The following CPQ variants were observed in gnomAD, a reference collection of about 807,000 sequenced individuals.
The protein encoded by CPQ is Ser-Met dipeptidase.
In CPQ, 37 loss-of-function variants were observed where a neutral mutation model predicts 45.7. The observed-to-expected ratio is 0.81, with a 90% confidence interval of 0.62 to 1.07. The LOEUF is 1.07. CPQ is among the 50% of genes least tolerant of loss of function. CPQ has a pLI of 0.00. For missense variants in CPQ, 537 were observed against 572.9 expected (o/e 0.94, Z 0.64); for synonymous variants, 186 against 205.8 (o/e 0.90, Z 0.82).
At chr8:97,027,813 A>G (rs1809827820) in intron 5 of CPQ, among the ~76,000 whole-genome samples, 1 of 152,262 alleles carries the variant, frequency 6.6e-6, no homozygotes, top group Non-Finnish European at 1.5e-5. Flanking sequence ...AATAAAAAGC[A>G]TAGATCCCTG....
At chr8:96,811,940 A>G (rs1266148707) in intron 2 of CPQ, among the ~76,000 whole-genome samples, 1 of 152,046 alleles carries the variant, frequency 6.6e-6, no homozygotes. Context: ...TATAAACCAA[A>G]TGTTTGTTTA....
chr8:96,936,537 A>G (rs1244732697), intron 4 of CPQ, among the ~76,000 whole-genome samples: 1 of 152,218 alleles, frequency 6.6e-6, no homozygotes, highest in Admixed American at 6.5e-5. Flanking sequence ...AATTCAGCAC[A>G]GAGGAACCAG....
At chr8:96,910,397 A>G (rs1157058401) in intron 4 of CPQ, among the ~76,000 whole-genome samples, 1 of 152,234 alleles carries the variant, frequency 6.6e-6, no homozygotes, top group Non-Finnish European at 1.5e-5. Context: ...TGCACAATGA[A>G]TAACCACAAT....
chr8:97,008,392 C>T (rs991847512), intron 5 of CPQ, among the ~76,000 whole-genome samples: 2 of 152,160 alleles, frequency 1.3e-5, no homozygotes. Context: ...ACAAATGTAC[C>T]TTTGACTTGT....
chr8:96,827,420 A>G (rs1731372036), intron 2 of CPQ, among the ~76,000 whole-genome samples: 2 of 152,038 alleles, frequency 1.3e-5, no homozygotes. Flanking sequence ...GACCTAAATT[A>G]TTGCTTTAGT....
chr8:96,741,731 T>G (rs1398207642), intron 1 of CPQ, among the ~76,000 whole-genome samples: 1 of 152,090 alleles, frequency 6.6e-6, no homozygotes, highest in African/African-American at 2.4e-5. Context: ...TTTCGTTATG[T>G]ACCCAGTAGT....
At chr8:97,040,389 T>TAG (rs1482896226) in intron 6 of CPQ, among the ~76,000 whole-genome samples, 1 of 151,694 alleles carries the variant, frequency 6.6e-6, no homozygotes, top group Non-Finnish European at 1.5e-5. Context: ...ATTAGCCCTT[T>TAG]GTCAGATGAG....
chr8:97,101,014 C>T (rs1185489651), intron 7 of CPQ, among the ~76,000 whole-genome samples: 1 of 152,114 alleles, frequency 6.6e-6, no homozygotes, highest in Non-Finnish European at 1.5e-5. Flanking sequence ...AAGATCCGTT[C>T]AGTCACTGAG....
chr8:96,678,154 C>G (rs1458291134), intron 1 of CPQ, among the ~76,000 whole-genome samples: 2 of 151,706 alleles, frequency 1.3e-5, no homozygotes, highest in Non-Finnish European at 2.9e-5. Flanking sequence ...AGCTGTGAGG[C>G]CCCTTTTTTG....
chr8:96,876,102 TG>T (rs1812141657), intron 3 of CPQ, among the ~76,000 whole-genome samples: 1 of 152,014 alleles, frequency 6.6e-6, no homozygotes, highest in Admixed American at 6.6e-5. Context: ...TCTTTGCTAT[TG>T]TTTTGCTTTT....
At chr8:96,661,983 G>A (rs1409669470) in intron 1 of CPQ, among the ~76,000 whole-genome samples, 1 of 152,182 alleles carries the variant, frequency 6.6e-6, no homozygotes, top group Non-Finnish European at 1.5e-5. Context: ...GGGCCATTCT[G>A]CTAGGTCTGT....
At chr8:96,726,557 G>A (rs954719003) in intron 1 of CPQ, among the ~76,000 whole-genome samples, 2 of 152,054 alleles carry the variant, frequency 1.3e-5, no homozygotes, top group Non-Finnish European at 2.9e-5. Context: ...GCAAGAGGGC[G>A]AGGGGTAGGT....
intron 5 of CPQ, among the ~76,000 whole-genome samples, chr8:96,980,172 G>C (rs1258953274): frequency 6.6e-6 from 1 of 152,090 alleles, no homozygotes; most frequent in Non-Finnish European, 1.5e-5. Flanking sequence ...TCGCTCTGTT[G>C]CCCAGGCTGG....
chr8:97,125,522 G>GA (rs1262777589), intron 7 of CPQ, among the ~76,000 whole-genome samples: 19 of 152,166 alleles, frequency 1.2e-4, no homozygotes, highest in African/African-American at 4.6e-4. Flanking sequence ...ATGTAAACTG[G>GA]ATAATATACT....
At chr8:96,885,258 C>T (rs1794741464) in intron 4 of CPQ, among the ~76,000 whole-genome samples, 1 of 152,150 alleles carries the variant, frequency 6.6e-6, no homozygotes, top group Non-Finnish European at 1.5e-5. Context: ...ATAACAAACT[C>T]ATTTTTGAGA....
intron 5 of CPQ, among the ~76,000 whole-genome samples, chr8:97,004,326 T>C (rs1008215057): frequency 6.7e-6 from 1 of 149,024 alleles, no homozygotes; most frequent in Admixed American, 6.7e-5. Context: ...CAAATACATA[T>C]AATTCAATTC....
intron 1 of CPQ, among the ~76,000 whole-genome samples, chr8:96,765,794 C>G (rs1047342995): frequency 6.6e-6 from 1 of 152,156 alleles, no homozygotes; most frequent in Non-Finnish European, 1.5e-5. Context: ...AATTCTGGCC[C>G]CCCCATTCAT....
chr8:96,740,398 T>C (rs370049774), intron 1 of CPQ, among the ~76,000 whole-genome samples: 1 of 152,132 alleles, frequency 6.6e-6, no homozygotes, highest in Non-Finnish European at 1.5e-5. Context: ...TACAATCATG[T>C]CATCTGCAAA....
chr8:96,645,849 GTGTA>G (rs1815512836), intron 1 of CPQ, among the ~76,000 whole-genome samples: 7 of 150,800 alleles, frequency 4.6e-5, no homozygotes, highest in Admixed American at 4.0e-4. Flanking sequence ...GCATTTTACC[GTGTA>G]CTTTCGCTTT....
Sources: gnomAD v4.1 joint callset for allele counts (sites outside exome capture counted in the v4.1 genomes callset) on GRCh38, gnomAD v4.1.1 for gene constraint, MANE v1.5 for transcripts, NCBI Gene and HGNC (gene_info 2026-07-23, HGNC 2026-07-21) for gene names.